The following CREBBP variants were observed in gnomAD, a reference collection of about 807,000 sequenced individuals.
CREBBP encodes CREB binding lysine acetyltransferase, also known as CREB-binding protein.
A neutral mutation model predicts 265.0 loss-of-function variants in CREBBP; 19 were observed. The ratio of observed to expected loss-of-function variants is 0.07; its 90% CI spans 0.05 to 0.11. The LOEUF (loss-of-function observed/expected upper bound fraction) is 0.11, where lower values mean the gene tolerates loss of function less well. CREBBP is among the 10% of genes least tolerant of loss of function. The pLI is 1.00. For synonymous variants in CREBBP, 1,457 were observed against 1,223.7 expected, an observed-to-expected ratio of 1.19 and a Z score of -3.98; for missense variants, 2,525 against 3,219.0, an observed-to-expected ratio of 0.78 and a Z score of 5.22.
At chr16:3,873,047 T>G (rs1263324632) in intron 1 of CREBBP, among the ~76,000 whole-genome samples, 1 of 152,234 alleles carries the variant, frequency 6.6e-6, no homozygotes, top group African/African-American at 2.4e-5. Context: ...ACCCTTTCCT[T>G]AAGTTTTGCC....
intron 1 of CREBBP, among the ~76,000 whole-genome samples, chr16:3,867,439 C>A (rs1372441365): frequency 6.6e-6 from 1 of 152,032 alleles, no homozygotes; most frequent in Non-Finnish European, 1.5e-5. Flanking sequence ...CTAGAGTGAG[C>A]TATAATCTCA....
intron 1 of CREBBP, among the ~76,000 whole-genome samples, chr16:3,854,794 C>A (rs1197805041): frequency 6.6e-6 from 1 of 152,194 alleles, no homozygotes; most frequent in East Asian, 1.9e-4. Context: ...ACAGACCAGT[C>A]CCTCTTGTCA....
intron 4 of CREBBP, among the ~76,000 whole-genome samples, chr16:3,792,416 G>A (rs1356091700): frequency 6.6e-6 from 1 of 152,188 alleles, no homozygotes; most frequent in Non-Finnish European, 1.5e-5. Flanking sequence ...ATAGTTCTGT[G>A]ATGTCACTAT....
rs1426575895 is a variant in CREBBP at position 3,739,688 on chromosome 16, T to C, written c.4170A>G (p.Pro1390=). Residue 1390 remains proline, a synonymous_variant, in exon 25 of 31, where the codon CCA becomes CCG. Coordinates refer to ENST00000262367, the MANE Select transcript of CREBBP (RefSeq NM_004380.3). The part of the protein sequence containing the change: ...VDSGEMSESF[P]YRTKALFAFE... The stretch of plus-strand genomic sequence containing the variant: ...AAGCAAACAGAGCTTTGGTTCGATA[T>C]GGGAAAGATTCAGACATTTCCCCAG... The C allele has an allele frequency of 2.5e-6, 4 of 1,614,112 alleles. No individual in the cohort carries two copies. The highest frequency in any genetic ancestry group is 3.3e-5 in the Admixed American group (2 of 60,008).
chr16:3,800,374 C>G (rs1805749226), intron 3 of CREBBP, among the ~76,000 whole-genome samples: 1 of 152,176 alleles, frequency 6.6e-6, no homozygotes, highest in South Asian at 2.1e-4. Flanking sequence ...TCGCCTTGGC[C>G]TCCCAAAGTG....
At chr16:3,816,465 CTCTT>C (rs1004795947) in intron 2 of CREBBP, among the ~76,000 whole-genome samples, 8 of 152,158 alleles carry the variant, frequency 5.3e-5, no homozygotes, top group African/African-American at 1.9e-4. Flanking sequence ...GAGGAAATTC[CTCTT>C]TAAGTTCAGC....
rs2151312500 is a variant in CREBBP at position 3,729,836 on chromosome 16, G to C, written c.5211C>G (p.Ser1737Arg). 6.2e-7 allele frequency: 1 copy of C among 1,604,072 alleles called. No homozygotes were observed. Among genetic ancestry groups the C allele is most frequent in the Non-Finnish European group, 8.5e-7 (1 of 1,179,958 alleles). ...CCCACTTCACCATCTTATGGGCATG[G>C]CTCTTCGTGTTATAGCAGTTGATGC... is the stretch of plus-strand genomic sequence containing the variant. ...DLCINCYNTK[S>R]HAHKMVKWGL... The change falls in exon 31 of 31, where the codon AGC (serine) becomes AGG (arginine). Residue 1737 changes from serine (S) to arginine (R), a missense_variant. Around this residue, in one of 19 missense-constraint regions of CREBBP, gnomAD observed 62 missense variants for 156.2 expected, o/e 0.40. Coordinates refer to ENST00000262367, the MANE Select transcript of CREBBP (RefSeq NM_004380.3).
At position 3,875,474 on chromosome 16, in the gene CREBBP, A is replaced by C. The variant is rs75416566; in HGVS notation, c.85+4358T>G. Among the ~76,000 whole-genome samples, 660 of 152,300 alleles carry C rather than the reference A, an allele frequency of 4.3e-3. 5 individuals carry two copies. The highest frequency in any genetic ancestry group is 0.015 in the African/African-American group (624 of 41,546). On this transcript the variant is annotated intron_variant, in intron 1 of 30. Transcript: ENST00000262367. Reference sequence around the variant, plus strand: ...AGCCCACACACGTCACGCTGAGGATAACACCAGAACCAGAGGGAAAAGGGG... The same window carrying C: ...AGCCCACACACGTCACGCTGAGGATCACACCAGAACCAGAGGGAAAAGGGG...
intron 1 of CREBBP, among the ~76,000 whole-genome samples, chr16:3,871,333 G>A (rs954956372): frequency 6.6e-6 from 1 of 152,108 alleles, no homozygotes; most frequent in African/African-American, 2.4e-5. Flanking sequence ...AGGAGCCAGG[G>A]CTCCCTCCTC....
chr16:3,817,522 A>G (rs928697460), intron 2 of CREBBP, among the ~76,000 whole-genome samples: 3 of 152,208 alleles, frequency 2.0e-5, no homozygotes, highest in Admixed American at 6.5e-5. Flanking sequence ...AGTCTCGTAA[A>G]AAAGTTAGTA....
Position 3,858,573 on chromosome 16 carries a change from G to C in CREBBP, c.86-7564C>G, listed in dbSNP as rs753370493. Among the ~76,000 whole-genome samples the C allele has an allele frequency of 4.6e-5, 7 of 152,212 alleles. 1 individual carries two copies. The highest frequency in any genetic ancestry group is 9.6e-5 in the African/African-American group (4 of 41,466). ...CTCAGTGCCTAGCATAAAATGCTTC[G>C]TATGTACTAGGCACTCAATAAACCC... On this transcript the variant is annotated intron_variant, in intron 1 of 30. Coordinates refer to ENST00000262367, the MANE Select transcript of CREBBP (RefSeq NM_004380.3).
At chr16:3,803,208 G>T (rs2053754291) in intron 3 of CREBBP, among the ~76,000 whole-genome samples, 1 of 143,430 alleles carries the variant, frequency 7.0e-6, no homozygotes, top group Admixed American at 7.2e-5. Context: ...CTAAATTCAG[G>T]CCGGGCAAGG....
intron 1 of CREBBP, among the ~76,000 whole-genome samples, chr16:3,852,601 TA>T (rs2054875892): frequency 6.6e-6 from 1 of 152,074 alleles, no homozygotes; most frequent in African/African-American, 2.4e-5. Flanking sequence ...TACAAAGAGT[TA>T]AAAATAAGAG....
intron 1 of CREBBP, among the ~76,000 whole-genome samples, chr16:3,862,214 G>C (rs1242641241): frequency 1.3e-5 from 2 of 152,220 alleles, no homozygotes; most frequent in Non-Finnish European, 2.9e-5. Context: ...CTTCAAATAA[G>C]AGGCTCTGAG....
At chr16:3,747,485 G>A (rs778847526) in intron 21 of CREBBP, among the ~76,000 whole-genome samples, 9 of 152,090 alleles carry the variant, frequency 5.9e-5, no homozygotes, top group African/African-American at 1.4e-4. Flanking sequence ...TGGTGATGCC[G>A]CTCTGCCCAA....
At chr16:3,791,885 C>T in intron 5 of CREBBP, 96 bp downstream of exon 5, 1 of 1,080,728 alleles carries the variant, frequency 9.3e-7, no homozygotes, top group Non-Finnish European at 1.4e-6. Flanking sequence ...CTCCATGGCT[C>T]ATAACCCCTG....
chr16:3,838,328 G>T (rs779027967), intron 2 of CREBBP, among the ~76,000 whole-genome samples: 14 of 152,070 alleles, frequency 9.2e-5, no homozygotes, highest in Non-Finnish European at 1.9e-4. Flanking sequence ...TGTGTAACAG[G>T]CTATGCCATC....
intron 2 of CREBBP, among the ~76,000 whole-genome samples, chr16:3,831,206 C>G (rs541200254): frequency 1.3e-5 from 2 of 152,254 alleles, no homozygotes; most frequent in South Asian, 4.2e-4. Flanking sequence ...GAGTTAAAAA[C>G]CAACAATAAA....
At chr16:3,730,349 A>C (rs780778425) in intron 30 of CREBBP, among the ~76,000 whole-genome samples, 2 of 152,146 alleles carry the variant, frequency 1.3e-5, no homozygotes, top group Non-Finnish European at 1.5e-5. Flanking sequence ...AGGCTGAGGG[A>C]GGCCGGTCCC....
Sources: gnomAD v4.1 joint callset for allele counts (sites outside exome capture counted in the v4.1 genomes callset) on GRCh38, gnomAD v4.1.1 for gene constraint, gnomAD v4.1.1 regional missense constraint, MANE v1.5 for transcripts, NCBI Gene and HGNC (gene_info 2026-07-23, HGNC 2026-07-21) for gene names.